Variants in BCAS3 observed in about 807,000 individuals in gnomAD.
BCAS3 encodes BCAS4/BCAS3 fusion.
In BCAS3, 53 loss-of-function variants were observed where a neutral mutation model predicts 116.1. The observed-to-expected ratio is 0.46, with a 90% confidence interval of 0.37 to 0.57. The LOEUF (loss-of-function observed/expected upper bound fraction) is 0.57. BCAS3 is among the 20% of genes least tolerant of loss of function. BCAS3 has a pLI of 0.00. For missense variants in BCAS3, 917 were observed against 1,165.4 expected, an observed-to-expected ratio of 0.79 and a Z score of 3.10; for synonymous variants, 391 against 408.2, an observed-to-expected ratio of 0.96 and a Z score of 0.51.
At chr17:61,049,692 A>G (rs897449271) in intron 19 of BCAS3, among the ~76,000 whole-genome samples, 2 of 151,444 alleles carry the variant, frequency 1.3e-5, no homozygotes, top group African/African-American at 4.8e-5. Context: ...ACCAAGGAGC[A>G]AAGATAAGCA....
intron 19 of BCAS3, among the ~76,000 whole-genome samples, chr17:61,044,465 A>AATATATATATATATATATATATATATAT (rs1555683922): frequency 3.3e-5 from 4 of 120,072 alleles, no homozygotes; most frequent in East Asian, 2.3e-4. Flanking sequence ...AAAAAAAAAA[A>AATATATATATATATATATATATATATAT]ATATATATAT....
intron 22 of BCAS3, among the ~76,000 whole-genome samples, chr17:61,230,940 G>T (rs1214901587): frequency 6.7e-6 from 1 of 148,472 alleles, no homozygotes; most frequent in African/African-American, 2.5e-5. Context: ...CTGCAGCCTC[G>T]CCAGCAGCTA....
At position 61,049,030 on chromosome 17, in the gene BCAS3, A is replaced by G. The variant is rs894787477; in HGVS notation, c.2029+8138A>G. 1.7e-4 allele frequency among the ~76,000 whole-genome samples: 26 copies of G among 152,164 alleles called. 3 individuals carry two copies. The highest frequency in any genetic ancestry group is 3.4e-4 in the Non-Finnish European group (23 of 67,976). ...GCATAAGACTGAAGATAGATTATAA[A>G]TTGCAGAAAAGTAATCCCAGCACTT... On this transcript the variant is annotated intron_variant, in intron 19 of 23. Coordinates refer to ENST00000407086, the MANE Select transcript of BCAS3 (RefSeq NM_017679.5).
chr17:61,116,567 T>G lies in BCAS3; in HGVS notation c.2425+32003T>G, dbSNP rs568651910. Reference sequence around the variant, plus strand: ...GAAAAGCTTATAGTATTTAACCATGTTTTTGCTTACTATGTTTTTTCTTCC... The same window carrying G: ...GAAAAGCTTATAGTATTTAACCATGGTTTTGCTTACTATGTTTTTTCTTCC... On this transcript the variant is annotated intron_variant, in intron 22 of 23. Transcript: ENST00000407086. Among the ~76,000 whole-genome samples the G allele has an allele frequency of 6.6e-4, 101 of 152,318 alleles. 1 individual carries two copies. Among genetic ancestry groups the G allele is most frequent in the Admixed American group, 1.6e-3 (24 of 15,300 alleles).
intron 22 of BCAS3, among the ~76,000 whole-genome samples, chr17:61,158,319 A>AT (rs1019007771): frequency 6.6e-5 from 10 of 152,002 alleles, no homozygotes; most frequent in African/African-American, 2.4e-4. Flanking sequence ...TGTTTCAGTC[A>AT]TTTTTTTAGG....
intron 5 of BCAS3, among the ~76,000 whole-genome samples, chr17:60,746,160 A>G (rs969983898): frequency 7.9e-5 from 12 of 152,034 alleles, no homozygotes; most frequent in African/African-American, 2.7e-4. Flanking sequence ...AATGTTTGCC[A>G]TTTTCTCTGA....
rs1404312486 is a variant in BCAS3 at position 61,235,663 on chromosome 17, C to G, written c.2426-132664C>G. Among the ~76,000 whole-genome samples, 1 of 143,968 alleles carries G rather than the reference C, an allele frequency of 6.9e-6. No individual in the cohort carries two copies. Among genetic ancestry groups the G allele is most frequent in the Non-Finnish European group, 1.5e-5 (1 of 66,768 alleles). The allele number at this position is 143,968 out of a possible 152,430, so 94.4% of individuals were successfully genotyped here. A position where few individuals can be genotyped will look rare whatever the true frequency, so the allele number is the denominator to read the frequency against. ...AGCTTTTGACCTTTTCACCTTTAAA[C>G]TTTGTTTGAACTTGGAAAGAAGACT... On this transcript the variant is annotated intron_variant, in intron 22 of 23. Coordinates refer to ENST00000407086, the MANE Select transcript of BCAS3 (RefSeq NM_017679.5). The surrounding 1 kb of genome is among the most constrained non-coding windows in gnomAD (Gnocchi z 5.0).
At chr17:61,280,957 T>A (rs2051191201) in intron 22 of BCAS3, among the ~76,000 whole-genome samples, 1 of 152,222 alleles carries the variant, frequency 6.6e-6, no homozygotes, top group Non-Finnish European at 1.5e-5. Flanking sequence ...TATTACATAC[T>A]ATGTGGTTTA....
At chr17:60,814,519 GCTTTTTT>G (rs1429138899) in intron 7 of BCAS3, among the ~76,000 whole-genome samples, 1 of 151,780 alleles carries the variant, frequency 6.6e-6, no homozygotes, top group Non-Finnish European at 1.5e-5. Flanking sequence ...AGATAATTTG[GCTTTTTT>G]CTTTTTTCCT....
At chr17:60,773,994 T>A (rs1269920809) in intron 6 of BCAS3, among the ~76,000 whole-genome samples, 1 of 152,210 alleles carries the variant, frequency 6.6e-6, no homozygotes, top group African/African-American at 2.4e-5. Flanking sequence ...CTTTATCAGA[T>A]AAGGCTTTTG....
intron 7 of BCAS3, among the ~76,000 whole-genome samples, chr17:60,857,002 T>C (rs1391763549): frequency 2.6e-5 from 4 of 152,226 alleles, no homozygotes; most frequent in Admixed American, 2.6e-4. Context: ...TCTTAATAAC[T>C]TCCTTTATGG....
rs891248746 is a variant in BCAS3, at chr17:61,286,985, G to A, written c.2426-81342G>A. 4.0e-5 allele frequency among the ~76,000 whole-genome samples: 6 copies of A among 151,876 alleles called. No homozygotes were observed. Among genetic ancestry groups the A allele is most frequent in the East Asian group, 2.0e-4 (1 of 5,112 alleles). ...CTATGGAGGCCAGGCGTGGTGGCTC[G>A]CGCCTGTAATCCCAGCACTTTGGGA... On this transcript the variant is annotated intron_variant, in intron 22 of 23. Coordinates refer to ENST00000407086, the MANE Select transcript of BCAS3 (RefSeq NM_017679.5). The surrounding 1 kb of genome is among the most constrained non-coding windows in gnomAD (Gnocchi z 4.8).
intron 6 of BCAS3, among the ~76,000 whole-genome samples, chr17:60,802,709 T>C (rs927362959): frequency 6.6e-6 from 1 of 152,178 alleles, no homozygotes; most frequent in Non-Finnish European, 1.5e-5. Context: ...TGGTGCCGTC[T>C]GGGCTCACTG....
Position 61,334,624 on chromosome 17 carries a change from A to G in BCAS3, c.2426-33703A>G, listed in dbSNP as rs540682967. Among the ~76,000 whole-genome samples, 57 of 134,946 alleles carry G rather than the reference A, an allele frequency of 4.2e-4. 1 individual carries two copies. The South Asian group carries it at 5.7e-3, about 14-fold the overall frequency. The allele number at this position is 134,946 out of a possible 152,430, so 88.5% of individuals were successfully genotyped here. A position where few individuals can be genotyped will look rare whatever the true frequency, so the allele number is the denominator to read the frequency against. ...GGTTGCGGTGAGCTGAGATCGCACC[A>G]TTGCACTCCAGCCTATGCAACAACA... is the stretch of plus-strand genomic sequence containing the variant. On this transcript the variant is annotated intron_variant, in intron 22 of 23. Coordinates refer to ENST00000407086, the MANE Select transcript of BCAS3 (RefSeq NM_017679.5).
chr17:61,096,978 G>C (rs2074016410), intron 22 of BCAS3, among the ~76,000 whole-genome samples: 1 of 152,118 alleles, frequency 6.6e-6, no homozygotes. Flanking sequence ...AGAGGATATG[G>C]CAAAAGAAAT....
intron 13 of BCAS3, among the ~76,000 whole-genome samples, chr17:60,946,377 A>G (rs1354782351): frequency 1.3e-5 from 2 of 152,194 alleles, no homozygotes; most frequent in Admixed American, 1.3e-4. Context: ...TTACAAGGAA[A>G]GAGAAGATCT....
rs1050705139 is a variant in BCAS3 at position 61,136,846 on chromosome 17, A to G, written c.2425+52282A>G. On this transcript the variant is annotated intron_variant, in intron 22 of 23. Coordinates refer to ENST00000407086, the MANE Select transcript of BCAS3 (RefSeq NM_017679.5). This position sits in a 1 kb window ranked among gnomAD's most constrained non-coding sequence, Gnocchi z 4.4. ...AGTCCTGAGATTACAGGTGTGAGCC[A>G]CTGTGCTCAGCCAATTGTCCCCATT... is the stretch of plus-strand genomic sequence containing the variant. Among the ~76,000 whole-genome samples, 6 of 152,182 alleles carry G rather than the reference A, an allele frequency of 3.9e-5. No individual in the cohort carries two copies. Among genetic ancestry groups the G allele is most frequent in the Admixed American group, 1.3e-4 (2 of 15,280 alleles).
chr17:61,231,889 A>G (rs1045285883), intron 22 of BCAS3, among the ~76,000 whole-genome samples: 14 of 139,674 alleles, frequency 1.0e-4, no homozygotes, highest in African/African-American at 3.8e-4. Flanking sequence ...AAAAAAAAAG[A>G]AAGAGAAAGA....
chr17:60,776,243 G>GATGTAT (rs2144452127), intron 6 of BCAS3, among the ~76,000 whole-genome samples: 2 of 152,220 alleles, frequency 1.3e-5, no homozygotes, highest in East Asian at 3.9e-4. Flanking sequence ...TGTGTGTATA[G>GATGTAT]ATGTATATGT....
Sources: gnomAD v4.1 joint callset for allele counts (sites outside exome capture counted in the v4.1 genomes callset) on GRCh38, gnomAD v4.1.1 for gene constraint, Gnocchi (gnomAD v3.1) non-coding constraint, MANE v1.5 for transcripts, NCBI Gene and HGNC (gene_info 2026-07-23, HGNC 2026-07-21) for gene names.